The following CRIPTO variants were observed in gnomAD, a reference collection of about 807,000 sequenced individuals.
CRIPTO encodes the protein protein Cripto.
the CRIPTO span, chr3:46,579,975 C>T: frequency 6.2e-7 from 1 of 1,614,258 alleles, no homozygotes; most frequent in Non-Finnish European, 8.5e-7. Flanking sequence ...TGCCCCATGA[C>T]ACCTGGCTGC....
chr3:46,575,394 C>T, the CRIPTO span, among the ~76,000 whole-genome samples: 1 of 152,130 alleles, frequency 6.6e-6, no homozygotes, highest in African/African-American at 2.4e-5. Flanking sequence ...ACAGCCCTTC[C>T]CTTCCCCTTC....
the CRIPTO span, chr3:46,581,491 G>A: frequency 5.0e-6 from 3 of 605,654 alleles, no homozygotes; most frequent in South Asian, 2.0e-5. Context: ...TATCTCCATT[G>A]TGCCTAAGTC....
At chr3:46,581,093 A>G in the CRIPTO span, 1,791 of 1,468,362 alleles carry the variant, frequency 1.2e-3, 1 homozygote, top group Non-Finnish European at 1.6e-3. Flanking sequence ...GAACTGCCAG[A>G]GAGGTTTGCT....
At chr3:46,580,152 G>C in the CRIPTO span, 1 of 1,558,280 alleles carries the variant, frequency 6.4e-7, no homozygotes. Context: ...TGTACCTCTT[G>C]TCTTGCTAGA....
chr3:46,579,270 T>A, the CRIPTO span: 1 of 1,614,178 alleles, frequency 6.2e-7, no homozygotes, highest in Non-Finnish European at 8.5e-7. Flanking sequence ...ATCTCGGGGA[T>A]ACCTGGCCTT....
the CRIPTO span, chr3:46,581,379 T>A: frequency 1.2e-6 from 1 of 811,522 alleles, no homozygotes; most frequent in Non-Finnish European, 2.2e-6. Context: ...AATGAATACA[T>A]TTCCAAAATG....
the CRIPTO span, among the ~76,000 whole-genome samples, chr3:46,576,337 G>A: frequency 1.3e-5 from 2 of 151,646 alleles, no homozygotes; most frequent in Non-Finnish European, 3.0e-5. Flanking sequence ...GCGTTGTGGC[G>A]GGCGCCTGTA....
chr3:46,576,807 G>A, the CRIPTO span, among the ~76,000 whole-genome samples: 3 of 152,180 alleles, frequency 2.0e-5, no homozygotes, highest in Non-Finnish European at 4.4e-5. Context: ...GGATTGAAAT[G>A]TTAGGTGAGG....
the CRIPTO span, chr3:46,581,253 G>A: frequency 1.4e-5 from 22 of 1,599,154 alleles, no homozygotes; most frequent in East Asian, 6.7e-5. Context: ...ACTATTAATC[G>A]ACATTGACCT....
At chr3:46,579,619 T>C in the CRIPTO span, 1 of 1,284,832 alleles carries the variant, frequency 7.8e-7, no homozygotes, top group Non-Finnish European at 1.1e-6. Flanking sequence ...ACTTCTCTGC[T>C]CAAAGGCACA....
chr3:46,578,293 C>A, the CRIPTO span, among the ~76,000 whole-genome samples: 2 of 148,508 alleles, frequency 1.3e-5, no homozygotes, highest in African/African-American at 5.0e-5. Context: ...GTACTACAAC[C>A]AAATTTAAAA....
At chr3:46,579,029 G>C in the CRIPTO span, 9 of 1,557,014 alleles carry the variant, frequency 5.8e-6, no homozygotes, top group Admixed American at 3.3e-5. Context: ...GAGAGGACCT[G>C]GGTGTTAACT....
the CRIPTO span, chr3:46,581,112 C>G: frequency 6.3e-7 from 1 of 1,589,624 alleles, no homozygotes; most frequent in Non-Finnish European, 8.6e-7. Context: ...CTTTAATGAC[C>G]AAGCATCCCT....
chr3:46,579,088 T>A, the CRIPTO span: 1 of 1,614,102 alleles, frequency 6.2e-7, no homozygotes, highest in Non-Finnish European at 8.5e-7. Flanking sequence ...TGACTTCCTC[T>A]TCCTAGTGTG....
the CRIPTO span, among the ~76,000 whole-genome samples, chr3:46,576,542 C>A: frequency 4.7e-5 from 7 of 148,374 alleles, no homozygotes; most frequent in Non-Finnish European, 8.9e-5. Flanking sequence ...CTCTTCCCAG[C>A]ACCTGTGGAT....
At chr3:46,574,839 G>T in the CRIPTO span, among the ~76,000 whole-genome samples, 9 of 152,270 alleles carry the variant, frequency 5.9e-5, no homozygotes, top group South Asian at 1.9e-3. Flanking sequence ...CACCATTCTT[G>T]TTTGGATGGT....
the CRIPTO span, chr3:46,579,208 C>T: frequency 6.8e-6 from 11 of 1,614,116 alleles, no homozygotes; most frequent in African/African-American, 5.3e-5. Flanking sequence ...AATACAGACT[C>T]CATGAATTGA....
chr3:46,580,721 T>A, the CRIPTO span, among the ~76,000 whole-genome samples: 2 of 152,164 alleles, frequency 1.3e-5, no homozygotes, highest in Non-Finnish European at 2.9e-5. Flanking sequence ...AGAGACCTAT[T>A]ATAGTTCTGG....
the CRIPTO span, chr3:46,579,073 A>G: frequency 6.2e-7 from 1 of 1,614,050 alleles, no homozygotes; most frequent in Non-Finnish European, 8.5e-7. Context: ...TGGCTAACTC[A>G]TGTCTGACTT....
Sources: gnomAD v4.1 joint callset for allele counts (sites outside exome capture counted in the v4.1 genomes callset) on GRCh38, gnomAD v4.1.1 for gene constraint, MANE v1.5 for transcripts, NCBI Gene and HGNC (gene_info 2026-07-23, HGNC 2026-07-21) for gene names.